TRPC4: variants seen among roughly 807,000 people sequenced by gnomAD.
TRPC4 encodes the protein short transient receptor potential channel 4.
In TRPC4, 49 loss-of-function variants were observed where a neutral mutation model predicts 99.4. The observed-to-expected ratio is 0.49, with a 90% CI of 0.39 to 0.63. TRPC4 has a LOEUF of 0.63. Among genes scored for constraint, TRPC4 ranks in the 20% least tolerant of loss-of-function variants. TRPC4 has a pLI of 0.00. For synonymous variants in TRPC4, 454 were observed against 425.9 expected, an observed-to-expected ratio of 1.07 and a Z score of -0.81; for missense variants, 898 against 1,152.9, an observed-to-expected ratio of 0.78 and a Z score of 3.20.
chr13:37,684,148 C>T (rs1477487587), intron 4 of TRPC4, among the ~76,000 whole-genome samples: 1 of 152,086 alleles, frequency 6.6e-6, no homozygotes, highest in Non-Finnish European at 1.5e-5. Flanking sequence ...TCTAAATCAG[C>T]CAACCATAAT....
chr13:37,808,150 G>T (rs1023811624), intron 1 of TRPC4, among the ~76,000 whole-genome samples: 5 of 151,942 alleles, frequency 3.3e-5, no homozygotes, highest in Admixed American at 3.3e-4. Flanking sequence ...GCATTCAAAG[G>T]TATGCTTCCA....
chr13:37,823,592 C>T (rs1307569073), intron 1 of TRPC4, among the ~76,000 whole-genome samples: 7 of 151,748 alleles, frequency 4.6e-5, no homozygotes, highest in South Asian at 2.1e-4. Flanking sequence ...AGATATGTGG[C>T]GTTATTTCTG....
chr13:37,735,281 A>T (rs1955361364), intron 3 of TRPC4, among the ~76,000 whole-genome samples: 2 of 152,166 alleles, frequency 1.3e-5, no homozygotes, highest in African/African-American at 4.8e-5. Flanking sequence ...CAAAATCAAC[A>T]AAAGTTTCTT....
rs755965857 is a variant in TRPC4 at position 37,844,316 on chromosome 13, CAG to C, written c.-28+25277_-28+25278del. Among the ~76,000 whole-genome samples, 10 of 151,764 alleles carry C rather than the reference CAG, an allele frequency of 6.6e-5. No individual in the cohort carries two copies. In the East Asian group the frequency reaches 7.8e-4, roughly 12 times the overall value. ...TTTTTTCTTTCTTTATTTTTTGAGA[CAG>C]AGTTTCACTCTTGTTGCCCAGGCTG... On this transcript the variant is annotated intron_variant, in intron 1 of 10. Coordinates refer to ENST00000379705, the MANE Select transcript of TRPC4 (RefSeq NM_016179.4).
intron 1 of TRPC4, among the ~76,000 whole-genome samples, chr13:37,860,895 C>A (rs1485621717): frequency 6.6e-6 from 1 of 151,392 alleles, no homozygotes; most frequent in Non-Finnish European, 1.5e-5. Flanking sequence ...CAGTCGCTGT[C>A]TTCGGTTTAC....
intron 2 of TRPC4, among the ~76,000 whole-genome samples, chr13:37,774,372 G>T (rs1022156299): frequency 6.6e-6 from 1 of 151,668 alleles, no homozygotes; most frequent in Non-Finnish European, 1.5e-5. Flanking sequence ...AAACAATAGA[G>T]ACTTGGAACT....
rs1220228050 is a variant in TRPC4, at chr13:37,632,381, C to A, written c.*4522G>T. Among the ~76,000 whole-genome samples the A allele has an allele frequency of 6.6e-6, 1 of 152,152 alleles. No homozygotes were observed. The highest frequency in any genetic ancestry group is 1.5e-5 in the Non-Finnish European group (1 of 68,032). ...GTAGCCAACATAAAATATTTATGAG[C>A]TAGTTTACATTATTTTCATACTGTC... On this transcript the variant is annotated 3_prime_UTR_variant, in exon 11 of 11. Coordinates refer to ENST00000379705, the MANE Select transcript of TRPC4 (RefSeq NM_016179.4).
At chr13:37,846,357 T>C (rs920613986) in intron 1 of TRPC4, among the ~76,000 whole-genome samples, 2 of 152,114 alleles carry the variant, frequency 1.3e-5, no homozygotes, top group Non-Finnish European at 2.9e-5. Context: ...ACAAAATTAT[T>C]AAAAATAATT....
chr13:37,635,192 G>A lies in TRPC4; in HGVS notation c.*1711C>T, dbSNP rs117728287. On this transcript the variant is annotated 3_prime_UTR_variant, in exon 11 of 11. Coordinates refer to ENST00000379705, the MANE Select transcript of TRPC4 (RefSeq NM_016179.4). ...CTCAAGGTATAGGACTTCAGAAGTG[G>A]CAATTGTAACCCCTGTATATGCATG... 0.011 allele frequency among the ~76,000 whole-genome samples: 1,630 copies of A among 152,140 alleles called. 17 individuals are homozygous for A. Among genetic ancestry groups the A allele is most frequent in the South Asian group, 0.028 (136 of 4,818 alleles).
At chr13:37,840,454 T>C (rs1014617234) in intron 1 of TRPC4, among the ~76,000 whole-genome samples, 2 of 152,050 alleles carry the variant, frequency 1.3e-5, no homozygotes, top group African/African-American at 2.4e-5. Flanking sequence ...TTTATATCAA[T>C]GTCCTGCCAG....
chr13:37,748,188 C>A (rs916993156), intron 2 of TRPC4, among the ~76,000 whole-genome samples: 2 of 152,068 alleles, frequency 1.3e-5, no homozygotes, highest in Non-Finnish European at 2.9e-5. Context: ...CTGATGAAAG[C>A]AAAACCTTGG....
rs111312451 is a variant in TRPC4, at chr13:37,808,389, C to T, written c.-27-25029G>A. 6.9e-3 allele frequency among the ~76,000 whole-genome samples: 1,049 copies of T among 152,090 alleles called. 13 individuals carry two copies. The highest frequency in any genetic ancestry group is 0.024 in the African/African-American group (1,002 of 41,512). The stretch of plus-strand genomic sequence containing the variant: ...ATGTAGAAAAAAGAGGGGTATCCCA[C>T]GTTAATGATTAAGTAATTCTGGAGA... On this transcript the variant is annotated intron_variant, in intron 1 of 10. Coordinates refer to ENST00000379705, the MANE Select transcript of TRPC4 (RefSeq NM_016179.4).
chr13:37,783,148 A>G lies in TRPC4; in HGVS notation c.186T>C (p.Asn62=). The G allele has an allele frequency of 1.9e-6, 3 of 1,613,528 alleles. No individual in the cohort carries two copies. The highest frequency in any genetic ancestry group is 2.5e-6 in the Non-Finnish European group (3 of 1,179,746). The change falls in exon 2 of 11, where the codon AAT becomes AAC. Residue 62 remains asparagine, a synonymous_variant. Transcript: ENST00000379705. ...TTCCGAGAGGATCAATGCAATTAAT[A>G]TTGATTTTAAAATAAATTTCAGCTT... is the stretch of plus-strand genomic sequence containing the variant. ...LEEAEIYFKI[N]INCIDPLGRT...
At chr13:37,758,467 CT>C (rs1207292140) in intron 2 of TRPC4, among the ~76,000 whole-genome samples, 4 of 151,492 alleles carry the variant, frequency 2.6e-5, no homozygotes, top group Admixed American at 6.6e-5. Flanking sequence ...AGAGTGAAAA[CT>C]TTTTTCATTA....
intron 2 of TRPC4, among the ~76,000 whole-genome samples, chr13:37,780,315 T>C (rs1956806088): frequency 6.6e-6 from 1 of 152,134 alleles, no homozygotes. Context: ...TGGATTTTTT[T>C]TCTTTTTATT....
chr13:37,653,300 T>C (rs1317163844), intron 7 of TRPC4, among the ~76,000 whole-genome samples: 1 of 152,106 alleles, frequency 6.6e-6, no homozygotes, highest in African/African-American at 2.4e-5. Flanking sequence ...AAAGCAGTCT[T>C]TAGTTGGGGC....
chr13:37,721,551 G>A (rs746959963), intron 3 of TRPC4, among the ~76,000 whole-genome samples: 5 of 152,118 alleles, frequency 3.3e-5, no homozygotes, highest in African/African-American at 4.8e-5. Context: ...AGTTTAGAAT[G>A]AGGAGCCAAT....
chr13:37,650,000 T>A (rs1198360795), intron 8 of TRPC4, among the ~76,000 whole-genome samples: 1 of 152,106 alleles, frequency 6.6e-6, no homozygotes, highest in Non-Finnish European at 1.5e-5. Context: ...TAGAACTGCA[T>A]CTCCTAATCA....
At chr13:37,863,590 G>A (rs1689369180) in intron 1 of TRPC4, among the ~76,000 whole-genome samples, 1 of 151,568 alleles carries the variant, frequency 6.6e-6, no homozygotes, top group South Asian at 2.1e-4. Context: ...ACCTCAGTGT[G>A]ATTCAGGGCA....
Sources: allele counts gnomAD v4.1 joint callset (sites outside exome capture counted in the v4.1 genomes callset), GRCh38; gene constraint gnomAD v4.1.1; transcripts MANE v1.5; gene names NCBI Gene and HGNC (gene_info 2026-07-23, HGNC 2026-07-21).